ROBO2: variants seen among roughly 807,000 people sequenced by gnomAD.
The protein encoded by ROBO2 is roundabout guidance receptor 2.
In ROBO2, 53 loss-of-function variants were observed where a neutral mutation model predicts 160.8. That is an observed-to-expected ratio of 0.33 (90% CI 0.26 to 0.41). The LOEUF (loss-of-function observed/expected upper bound fraction) is 0.41. ROBO2 is among the 10% of genes least tolerant of loss of function. The probability of loss-of-function intolerance (pLI) is 1.00; values close to 1 mark genes in which losing one functional copy is unlikely to be tolerated. For missense variants in ROBO2, 1,577 were observed against 1,722.4 expected (o/e 0.92, Z 1.49); for synonymous variants, 664 against 611.7 (o/e 1.09, Z -1.26).
chr3:76,187,162 C>G (rs1701805726), intron 2 of ROBO2, among the ~76,000 whole-genome samples: 2 of 152,194 alleles, frequency 1.3e-5, no homozygotes, highest in Non-Finnish European at 2.9e-5. Flanking sequence ...CTTCTCTGAG[C>G]TGAAAACAAA....
At chr3:77,457,809 T>C (rs922648182) in intron 2 of ROBO2, among the ~76,000 whole-genome samples, 1 of 151,952 alleles carries the variant, frequency 6.6e-6, no homozygotes, top group Non-Finnish European at 1.5e-5. Context: ...AAAATAGTAT[T>C]TGTTAAATAT....
chr3:76,229,628 T>C (rs1704501165), intron 2 of ROBO2, among the ~76,000 whole-genome samples: 1 of 152,160 alleles, frequency 6.6e-6, no homozygotes, highest in Non-Finnish European at 1.5e-5. Flanking sequence ...AGCCATTCCC[T>C]TTCTCTATAT....
At chr3:77,211,180 G>A (rs1214564058) in intron 2 of ROBO2, among the ~76,000 whole-genome samples, 1 of 152,132 alleles carries the variant, frequency 6.6e-6, no homozygotes, top group Non-Finnish European at 1.5e-5. Context: ...TTCCACAATG[G>A]TTGAACTAGT....
intron 2 of ROBO2, among the ~76,000 whole-genome samples, chr3:76,004,622 G>T (rs1190028163): frequency 6.6e-6 from 1 of 152,088 alleles, no homozygotes; most frequent in Admixed American, 6.5e-5. Flanking sequence ...TATCTCCGGG[G>T]TCTCTTATAA....
intron 2 of ROBO2, among the ~76,000 whole-genome samples, chr3:76,634,293 C>T (rs2090191152): frequency 6.6e-6 from 1 of 152,166 alleles, no homozygotes; most frequent in Non-Finnish European, 1.5e-5. Context: ...ATCAGGCTGG[C>T]ACAGTGGCTT....
chr3:77,564,722 G>A, intron 11 of ROBO2: 1 of 605,148 alleles, frequency 1.7e-6, no homozygotes, highest in East Asian at 2.9e-5. Context: ...CACATCTCCT[G>A]GGCTGAGTTT....
chr3:76,173,884 C>T (rs374081245), intron 2 of ROBO2, among the ~76,000 whole-genome samples: 42 of 152,154 alleles, frequency 2.8e-4, no homozygotes, highest in East Asian at 1.2e-3. Flanking sequence ...TACCCAGTAA[C>T]GGGATTGCTG....
At chr3:76,218,342 G>A (rs576001303) in intron 2 of ROBO2, among the ~76,000 whole-genome samples, 2 of 152,124 alleles carry the variant, frequency 1.3e-5, no homozygotes, top group Non-Finnish European at 2.9e-5. Context: ...GAAATAAAGG[G>A]CATTCAATTA....
rs2081429615 is a variant in ROBO2 at position 76,518,159 on chromosome 3, T to TG, written c.110-579854dup. ...CTGTAGTAGAAAACAGAAACAATAA[T>TG]GACACACAAAAGAATTTTTTGAGAA... On this transcript the variant is annotated intron_variant, in intron 2 of 26. Coordinates refer to the ROBO2 transcript ENST00000487694. 2.0e-5 allele frequency among the ~76,000 whole-genome samples: 3 copies of TG among 152,042 alleles called. No homozygotes were observed. In the South Asian group the frequency reaches 6.2e-4, roughly 32 times the overall value.
chr3:76,170,064 G>C (rs1396169511), intron 2 of ROBO2, among the ~76,000 whole-genome samples: 1 of 152,180 alleles, frequency 6.6e-6, no homozygotes, highest in African/African-American at 2.4e-5. Context: ...ACAGGCGTGA[G>C]CCACTATGCC....
intron 2 of ROBO2, among the ~76,000 whole-genome samples, chr3:77,382,788 A>G (rs535921587): frequency 1.3e-5 from 2 of 152,340 alleles, no homozygotes; most frequent in African/African-American, 4.8e-5. Context: ...CATGGTGCAT[A>G]TATACCACAT....
At chr3:76,086,146 A>G (rs2069004552) in intron 2 of ROBO2, among the ~76,000 whole-genome samples, 1 of 152,144 alleles carries the variant, frequency 6.6e-6, no homozygotes, top group Non-Finnish European at 1.5e-5. Context: ...GACTCACAGT[A>G]CGGCCTGGCT....
intron 2 of ROBO2, among the ~76,000 whole-genome samples, chr3:76,761,194 C>G (rs2061286920): frequency 6.6e-6 from 1 of 151,646 alleles, no homozygotes; most frequent in Non-Finnish European, 1.5e-5. Context: ...ATTTGCATGC[C>G]TCTTCAAAAA....
intron 2 of ROBO2, among the ~76,000 whole-genome samples, chr3:76,892,306 C>T (rs570586068): frequency 3.3e-5 from 5 of 152,272 alleles, no homozygotes; most frequent in East Asian, 1.9e-4. Flanking sequence ...TGTCTTAAAT[C>T]TCTGATTTTG....
chr3:77,269,746 A>G (rs1394076624), intron 2 of ROBO2, among the ~76,000 whole-genome samples: 1 of 152,186 alleles, frequency 6.6e-6, no homozygotes, highest in Non-Finnish European at 1.5e-5. Flanking sequence ...ATTGACAACA[A>G]GAAAGGATGA....
At chr3:77,047,512 C>G (rs2064797079) in intron 1 of ROBO2, among the ~76,000 whole-genome samples, 1 of 149,842 alleles carries the variant, frequency 6.7e-6, no homozygotes, top group East Asian at 2.0e-4. Context: ...TGGTGAAACC[C>G]CCTCTCTATT....
intron 2 of ROBO2, among the ~76,000 whole-genome samples, chr3:77,310,027 A>C (rs2063409107): frequency 6.6e-6 from 1 of 152,138 alleles, no homozygotes; most frequent in African/African-American, 2.4e-5. Flanking sequence ...AAAAGCTTCA[A>C]GTTTGTTTTC....
chr3:76,880,385 A>C (rs1480262817), intron 2 of ROBO2, among the ~76,000 whole-genome samples: 1 of 152,176 alleles, frequency 6.6e-6, no homozygotes, highest in Non-Finnish European at 1.5e-5. Flanking sequence ...TGATCAGCAC[A>C]AATAAAGAAA....
intron 2 of ROBO2, among the ~76,000 whole-genome samples, chr3:76,080,276 C>A (rs147151708): frequency 6.6e-6 from 1 of 152,176 alleles, no homozygotes; most frequent in Non-Finnish European, 1.5e-5. Context: ...TTGGCTTCAG[C>A]GCTTACTATT....
Sources: gnomAD v4.1 joint callset for allele counts (sites outside exome capture counted in the v4.1 genomes callset) on GRCh38, gnomAD v4.1.1 for gene constraint, MANE v1.5 for transcripts, NCBI Gene and HGNC (gene_info 2026-07-23, HGNC 2026-07-21) for gene names.